MAPK14: variants seen among roughly 807,000 people sequenced by gnomAD.
MAPK14 encodes mitogen-activated protein kinase 14, also known as CSAID-binding protein.
MAPK14 carries 16 observed loss-of-function variants against 49.6 expected under a neutral mutation model. The ratio of observed to expected loss-of-function variants is 0.32; its 90% CI spans 0.22 to 0.49. The LOEUF (loss-of-function observed/expected upper bound fraction) is 0.49, where lower values mean the gene tolerates loss of function less well. Ranked by LOEUF, MAPK14 falls within the 20% of genes least tolerant of loss-of-function variation. MAPK14 has a pLI of 0.99. For synonymous variants in MAPK14, 142 were observed against 158.0 expected (o/e 0.90, Z 0.76); for missense variants, 200 against 441.2 (o/e 0.45, Z 4.90).
chr6:36,109,905 T>A lies in MAPK14; in HGVS notation c.*1458T>A, dbSNP rs1765915592. ...ATGGAAAAGGGTCTTCTTGGCAGCT[T>A]AACATTGACTTCTTGGTTTGGGGAG... On this transcript the variant is annotated 3_prime_UTR_variant, in exon 12 of 12. Coordinates refer to ENST00000229794, the MANE Select transcript of MAPK14 (RefSeq NM_139012.3). 1 of 152,664 alleles carries A rather than the reference T, an allele frequency of 6.6e-6. No individual in the cohort carries two copies. The highest frequency in any genetic ancestry group is 1.5e-5 in the Non-Finnish European group (1 of 68,038). The allele number at this position is 152,664 out of a possible 1,614,324, so 9.5% of individuals were successfully genotyped here.
At chr6:36,118,071 T>G in the MAPK14 span, among the ~76,000 whole-genome samples, 1 of 152,246 alleles carries the variant, frequency 6.6e-6, no homozygotes, top group Non-Finnish European at 1.5e-5. Flanking sequence ...GGCTTCTGAT[T>G]CTCTTTGCTG....
intron 1 of MAPK14, among the ~76,000 whole-genome samples, chr6:36,040,797 G>A (rs1581736454): frequency 6.6e-6 from 1 of 152,140 alleles, no homozygotes; most frequent in African/African-American, 2.4e-5. Context: ...GGTATTCTGT[G>A]TCCTTTCTCT....
intron 9 of MAPK14, chr6:36,100,170 C>T: frequency 6.4e-7 from 1 of 1,561,052 alleles, no homozygotes; most frequent in Non-Finnish European, 8.8e-7. Flanking sequence ...TAACAATGCC[C>T]TTGACTAGGC....
intron 2 of MAPK14, among the ~76,000 whole-genome samples, chr6:36,054,178 G>A (rs1763506353): frequency 6.6e-6 from 1 of 152,170 alleles, no homozygotes; most frequent in Non-Finnish European, 1.5e-5. Context: ...ACACATTTAA[G>A]TGTGTATGCT....
chr6:36,069,413 A>G (rs1309391279), intron 3 of MAPK14, among the ~76,000 whole-genome samples: 1 of 152,180 alleles, frequency 6.6e-6, no homozygotes, highest in Non-Finnish European at 1.5e-5. Flanking sequence ...GAATGTAACA[A>G]TTGGTGGTCA....
At position 36,107,669 on chromosome 6, in the gene MAPK14, C is replaced by T. The variant is rs369797137; in HGVS notation, c.1015+41C>T. On this transcript the variant is annotated intron_variant, in intron 11 of 11. Transcript: ENST00000229794. The surrounding 1 kb of genome is among the most constrained non-coding windows in gnomAD (Gnocchi z 4.3). The stretch of plus-strand genomic sequence containing the variant: ...AGGATTAACATCTTGAACCACTAAC[C>T]AAAAGCGGTGGGAAAAATAAAAACT... 84 of 1,427,638 alleles carry T rather than the reference C, an allele frequency of 5.9e-5. No homozygotes were observed. The African/African-American group carries it at 9.5e-4, about 16-fold the overall frequency. The allele number at this position is 1,427,638 out of a possible 1,614,324, so 88.4% of individuals were successfully genotyped here.
At chr6:36,064,792 A>G (rs1763978462) in intron 3 of MAPK14, among the ~76,000 whole-genome samples, 1 of 152,248 alleles carries the variant, frequency 6.6e-6, no homozygotes, top group South Asian at 2.1e-4. Context: ...ATAACAGTAA[A>G]TAAGAGCTGA....
At position 36,074,107 on chromosome 6, in the gene MAPK14, G is replaced by A. The variant is rs200098235; in HGVS notation, c.495+11G>A. ...GACTGTGAGCTGAAGGTAAAATGAA[G>A]AGACAGTATTCATTGTTTGCTTTAC... is the stretch of plus-strand genomic sequence containing the variant. On this transcript the variant is annotated intron_variant, in intron 6 of 11. Coordinates refer to ENST00000229794, the MANE Select transcript of MAPK14 (RefSeq NM_139012.3). 6 of 1,608,098 alleles carry A rather than the reference G, an allele frequency of 3.7e-6. No homozygotes were observed. The highest frequency in any genetic ancestry group is 4.3e-6 in the Non-Finnish European group (5 of 1,175,022).
chr6:36,103,907 TC>T (rs982390505), intron 10 of MAPK14, among the ~76,000 whole-genome samples: 1 of 152,238 alleles, frequency 6.6e-6, no homozygotes, highest in African/African-American at 2.4e-5. Flanking sequence ...GTTTGGGTCA[TC>T]TGTCTTCTTA....
At chr6:36,092,407 GT>G in intron 8 of MAPK14, 1 of 681,838 alleles carries the variant, frequency 1.5e-6, no homozygotes, top group Non-Finnish European at 2.7e-6. Context: ...GGTCAGGACT[GT>G]TTCACCAGAA....
intron 6 of MAPK14, 102 bp downstream of exon 6, chr6:36,074,198 A>G: frequency 2.7e-6 from 2 of 742,894 alleles, no homozygotes; most frequent in South Asian, 2.0e-5. Context: ...AGCCATGACT[A>G]TCTGAAATTC....
At chr6:36,097,788 A>G (rs1388968719) in intron 9 of MAPK14, 1 of 152,336 alleles carries the variant, frequency 6.6e-6, no homozygotes, top group Non-Finnish European at 1.5e-5. Context: ...TGCACAGCCT[A>G]ATAATGGAGG....
intron 8 of MAPK14, among the ~76,000 whole-genome samples, chr6:36,093,442 A>G (rs1354194359): frequency 6.6e-6 from 1 of 152,146 alleles, no homozygotes; most frequent in Non-Finnish European, 1.5e-5. Flanking sequence ...ACTCTCAGCC[A>G]GGCACGGTGG....
chr6:36,079,209 ATATAAT>A (rs2127448621), intron 8 of MAPK14, among the ~76,000 whole-genome samples: 1 of 152,378 alleles, frequency 6.6e-6, no homozygotes, highest in South Asian at 2.1e-4. Context: ...GACCCAGAGA[ATATAAT>A]CCAAAGCTAC....
intron 1 of MAPK14, among the ~76,000 whole-genome samples, chr6:36,045,468 T>C (rs928962701): frequency 6.6e-6 from 1 of 152,152 alleles, no homozygotes; most frequent in Non-Finnish European, 1.5e-5. Context: ...TTAATGGCTT[T>C]AGTGAGCTTT....
rs773211593 is a variant in MAPK14 at position 36,108,426 on chromosome 6, C to T, written c.1062C>T (p.Asp354=). 2 of 1,613,984 alleles carry T rather than the reference C, an allele frequency of 1.2e-6. No individual in the cohort carries two copies. The highest frequency in any genetic ancestry group is 2.2e-5 in the East Asian group (1 of 44,866). The change falls in exon 12 of 12, where the codon GAC becomes GAT. Residue 354 remains aspartate (D), a synonymous_variant. Coordinates refer to ENST00000229794, the MANE Select transcript of MAPK14 (RefSeq NM_139012.3). ...EVISFVPPPL[D]QEEMES ...TCAGCTTTGTGCCACCACCCCTTGA[C>T]CAAGAAGAGATGGAGTCCTGAGCAC... is the stretch of plus-strand genomic sequence containing the variant.
rs1765839401 is a variant in MAPK14 at position 36,107,672 on chromosome 6, A to G, written c.1015+44A>G. On this transcript the variant is annotated intron_variant, in intron 11 of 11. Coordinates refer to ENST00000229794, the MANE Select transcript of MAPK14 (RefSeq NM_139012.3). This position sits in a 1 kb window ranked among gnomAD's most constrained non-coding sequence, Gnocchi z 4.3. ...ATTAACATCTTGAACCACTAACCAA[A>G]AGCGGTGGGAAAAATAAAAACTGAA... 3 of 1,414,962 alleles carry G rather than the reference A, an allele frequency of 2.1e-6. No individual in the cohort carries two copies. The African/African-American group carries it at 4.3e-5, about 20-fold the overall frequency. 87.7% of individuals were successfully genotyped at this position (1,414,962 alleles called of 1,614,324 possible).
chr6:36,079,925 AT>A, intron 8 of MAPK14, among the ~76,000 whole-genome samples: 1 of 152,018 alleles, frequency 6.6e-6, no homozygotes, highest in East Asian at 1.9e-4. Context: ...GGTTAAATGT[AT>A]TTAACATAAA....
intron 8 of MAPK14, among the ~76,000 whole-genome samples, chr6:36,082,851 A>C (rs765537769): frequency 4.6e-5 from 7 of 152,158 alleles, no homozygotes; most frequent in African/African-American, 9.7e-5. Flanking sequence ...ATGCCATTAA[A>C]ATTTTATTTA....
Sources: gnomAD v4.1 joint callset for allele counts (sites outside exome capture counted in the v4.1 genomes callset) on GRCh38, gnomAD v4.1.1 for gene constraint, Gnocchi (gnomAD v3.1) non-coding constraint, MANE v1.5 for transcripts, NCBI Gene and HGNC (gene_info 2026-07-23, HGNC 2026-07-21) for gene names.